ERICH6B: variants seen among roughly 807,000 people sequenced by gnomAD.
ERICH6B encodes the protein glutamate-rich protein 6B.
In ERICH6B, 69 loss-of-function variants were observed where a neutral mutation model predicts 80.0. The ratio of observed to expected loss-of-function variants is 0.86; its 90% CI spans 0.71 to 1.05. The LOEUF (loss-of-function observed/expected upper bound fraction) is 1.05. Ranked by LOEUF, ERICH6B falls within the 50% of genes least tolerant of loss-of-function variation. The pLI, the probability that ERICH6B is intolerant of heterozygous loss-of-function variation, is 0.00. For synonymous variants in ERICH6B, 283 were observed against 291.9 expected (o/e 0.97, Z 0.31); for missense variants, 754 against 796.1 (o/e 0.95, Z 0.64).
At chr13:45,579,599 G>C (rs990292198) in intron 7 of ERICH6B, among the ~76,000 whole-genome samples, 5 of 152,132 alleles carry the variant, frequency 3.3e-5, no homozygotes, top group Admixed American at 3.3e-4. Flanking sequence ...GTCTATCTGG[G>C]GAGGTGCAGG....
chr13:45,574,286 C>T (rs938281285), intron 8 of ERICH6B, among the ~76,000 whole-genome samples: 3 of 152,102 alleles, frequency 2.0e-5, no homozygotes, highest in Admixed American at 6.5e-5. Flanking sequence ...GCAGGAAATT[C>T]GAGCCACTAG....
chr13:45,579,847 G>A, intron 7 of ERICH6B, 86 bp downstream of exon 7: 2 of 1,343,686 alleles, frequency 1.5e-6, no homozygotes, highest in East Asian at 5.0e-5. Flanking sequence ...GGATCAGAGA[G>A]GGAGCCACCT....
chr13:45,569,131 C>T (rs999742274), intron 8 of ERICH6B, among the ~76,000 whole-genome samples: 1 of 150,922 alleles, frequency 6.6e-6, no homozygotes, highest in Admixed American at 6.6e-5. Flanking sequence ...TTACAAGGTG[C>T]CTTTTTTTTT....
At chr13:45,569,244 G>A (rs768589789) in intron 8 of ERICH6B, among the ~76,000 whole-genome samples, 6 of 152,110 alleles carry the variant, frequency 3.9e-5, no homozygotes, top group African/African-American at 7.2e-5. Flanking sequence ...TCATGCCTCA[G>A]CCTCCTGAGT....
chr13:45,547,720 GC>G (rs1297490421), intron 13 of ERICH6B, among the ~76,000 whole-genome samples: 4 of 152,200 alleles, frequency 2.6e-5, no homozygotes, highest in African/African-American at 9.7e-5. Context: ...TCAGGGAGTA[GC>G]CCATTCTTTT....
chr13:45,561,454 G>A lies in ERICH6B; in HGVS notation c.1322C>T (p.Thr441Ile). The change falls in exon 11 of 15, where the codon ACA becomes ATA. Residue 441 changes from threonine to isoleucine, a missense_variant. Coordinates refer to ENST00000298738, the MANE Select transcript of ERICH6B (RefSeq NM_182542.3). Reference sequence around the variant, plus strand: ...ACGTTGAGGCTTTTGGATTTCTTCTGTCTCAGGCTTCTCAGGTGTTGGTTT... The same window carrying A: ...ACGTTGAGGCTTTTGGATTTCTTCTATCTCAGGCTTCTCAGGTGTTGGTTT... ...MSKPTPEKPE[T>I]EEIQKPQRVV... 2 of 1,552,122 alleles carry A rather than the reference G, an allele frequency of 1.3e-6. No homozygotes were observed. The highest frequency in any genetic ancestry group is 1.7e-6 in the Non-Finnish European group (2 of 1,147,102).
intron 7 of ERICH6B, among the ~76,000 whole-genome samples, chr13:45,575,764 G>A (rs1426340763): frequency 6.6e-6 from 1 of 152,150 alleles, no homozygotes; most frequent in Non-Finnish European, 1.5e-5. Context: ...TGACTCTCGG[G>A]GCCAGGAGAG....
At position 45,549,964 on chromosome 13, in the gene ERICH6B, T is replaced by C. The variant is rs772725944; in HGVS notation, c.1575A>G (p.Leu525=). 2 of 1,551,794 alleles carry C rather than the reference T, an allele frequency of 1.3e-6. No individual in the cohort carries two copies. Among genetic ancestry groups the C allele is most frequent in the Non-Finnish European group, 1.7e-6 (2 of 1,147,016 alleles). Reference sequence around the variant, plus strand: ...TGATAAGGGCCCGGATCCTCCCTTCTAGACTGTCTTCCAGAATGATGTATG... The same window carrying C: ...TGATAAGGGCCCGGATCCTCCCTTCCAGACTGTCTTCCAGAATGATGTATG... ...KFTYIILEDS[L]EGRIRALINN... The change falls in exon 13 of 15, where the codon CTA becomes CTG. Residue 525 remains leucine, a synonymous_variant. Transcript: ENST00000298738.
intron 2 of ERICH6B, among the ~76,000 whole-genome samples, chr13:45,602,935 A>G (rs1336468812): frequency 6.6e-6 from 1 of 152,238 alleles, no homozygotes. Flanking sequence ...TATTATGGGA[A>G]TTGGCTCACA....
At position 45,587,123 on chromosome 13, in the gene ERICH6B, GA is replaced by G. The variant is rs1937660983; in HGVS notation, c.795del (p.Leu266Ter). 2 of 1,551,702 alleles carry G rather than the reference GA, an allele frequency of 1.3e-6. No individual in the cohort carries two copies. Among genetic ancestry groups the G allele is most frequent in the Non-Finnish European group, 1.7e-6 (2 of 1,146,998 alleles). ...SESATESSEL[L>X]LTLYRRSQAS... ...GCCTGGCTCCTCCTGTACAATGTCA[GA>G]AGCAACTCAGAAGACTCTGTGGCAG... On this transcript the variant is annotated frameshift_variant, in exon 5 of 15. Coordinates refer to ENST00000298738, the MANE Select transcript of ERICH6B (RefSeq NM_182542.3). LOFTEE classifies it high-confidence loss of function.
chr13:45,613,658 C>T (rs948281268), intron 1 of ERICH6B, among the ~76,000 whole-genome samples: 2 of 152,114 alleles, frequency 1.3e-5, no homozygotes, highest in Admixed American at 6.5e-5. Flanking sequence ...TGCTGCCTAA[C>T]CAACCCCTTT....
intron 11 of ERICH6B, 141 bp from the exon 12 acceptor site, chr13:45,550,457 G>T: frequency 1.6e-6 from 1 of 642,260 alleles, no homozygotes; most frequent in Non-Finnish European, 2.7e-6. Flanking sequence ...GAGCTGCGGG[G>T]CTTCAGTTTA....
chr13:45,597,103 T>C lies in ERICH6B; in HGVS notation c.-58-40A>G, dbSNP rs531926906. On this transcript the variant is annotated intron_variant, in intron 2 of 14. Coordinates refer to ENST00000298738, the MANE Select transcript of ERICH6B (RefSeq NM_182542.3). ...GGAATAAAATCCTATTAGCCAGTAA[T>C]AGCAAATGCATATTGATTTAATTCC... is the stretch of plus-strand genomic sequence containing the variant. 4 of 1,305,144 alleles carry C rather than the reference T, an allele frequency of 3.1e-6. No individual in the cohort carries two copies. In the East Asian group the frequency reaches 1.0e-4, roughly 33 times the overall value. 80.8% of individuals were successfully genotyped at this position (1,305,144 alleles called of 1,614,324 possible).
chr13:45,554,229 G>A (rs1214651790), intron 11 of ERICH6B, among the ~76,000 whole-genome samples: 1 of 152,106 alleles, frequency 6.6e-6, no homozygotes, highest in Non-Finnish European at 1.5e-5. Context: ...TTGACTTTCT[G>A]TGCCTGGCTT....
At chr13:45,582,123 C>T (rs1179356928) in intron 5 of ERICH6B, among the ~76,000 whole-genome samples, 1 of 152,168 alleles carries the variant, frequency 6.6e-6, no homozygotes, top group Non-Finnish European at 1.5e-5. Flanking sequence ...TTTGCTTCAG[C>T]AGTTCTTTGT....
intron 9 of ERICH6B, among the ~76,000 whole-genome samples, chr13:45,566,841 C>T (rs1457822928): frequency 6.6e-6 from 1 of 152,224 alleles, no homozygotes; most frequent in Non-Finnish European, 1.5e-5. Flanking sequence ...GGGCCACCGT[C>T]CTCCAGACCC....
At chr13:45,544,733 G>A in intron 14 of ERICH6B, 27 bp downstream of exon 14, 6 of 1,542,376 alleles carry the variant, frequency 3.9e-6, no homozygotes, top group Non-Finnish European at 5.3e-6. Context: ...CCCACCTGGT[G>A]GAGGGTATGG....
At chr13:45,603,966 G>A (rs530154085) in intron 2 of ERICH6B, among the ~76,000 whole-genome samples, 31 of 152,342 alleles carry the variant, frequency 2.0e-4, no homozygotes, top group African/African-American at 6.5e-4. Context: ...TGTGAATACA[G>A]ACCCCTCCCT....
At chr13:45,606,649 G>A (rs185485843) in intron 2 of ERICH6B, among the ~76,000 whole-genome samples, 21 of 145,878 alleles carry the variant, frequency 1.4e-4, no homozygotes, top group Admixed American at 9.7e-4. Flanking sequence ...TGACTCCCAG[G>A]TTCAAGCGAT....
Sources: allele counts gnomAD v4.1 joint callset (sites outside exome capture counted in the v4.1 genomes callset), GRCh38; gene constraint gnomAD v4.1.1; transcripts MANE v1.5; gene names NCBI Gene and HGNC (gene_info 2026-07-23, HGNC 2026-07-21).